Variants in CDK8 observed in about 807,000 individuals in gnomAD.
CDK8 encodes the protein cyclin-dependent kinase 8.
In CDK8, 29 loss-of-function variants were observed where a neutral mutation model predicts 71.5. The ratio of observed to expected loss-of-function variants is 0.41; its 90% CI spans 0.30 to 0.55. The LOEUF (loss-of-function observed/expected upper bound fraction) is 0.55, where lower values mean the gene tolerates loss of function less well. CDK8 is among the 20% of genes least tolerant of loss of function. CDK8 has a pLI of 0.37. For missense variants in CDK8, 288 were observed against 572.6 expected (o/e 0.50, Z 5.07); for synonymous variants, 161 against 192.1 (o/e 0.84, Z 1.34).
chr13:26,382,913 A>T, intron 5 of CDK8, 42 bp downstream of exon 5: 2 of 1,375,588 alleles, frequency 1.5e-6, no homozygotes, highest in Non-Finnish European at 2.0e-6. Context: ...GCACTTTTTT[A>T]AAACTTTTGC....
intron 1 of CDK8, among the ~76,000 whole-genome samples, chr13:26,336,221 A>C (rs568710770): frequency 1.2e-4 from 18 of 152,262 alleles, no homozygotes; most frequent in African/African-American, 4.3e-4. Context: ...ATCCTTTCAG[A>C]GGGTCTGTAA....
chr13:26,317,222 A>G (rs1874550158), intron 1 of CDK8, among the ~76,000 whole-genome samples: 1 of 152,172 alleles, frequency 6.6e-6, no homozygotes, highest in East Asian at 1.9e-4. Flanking sequence ...ATCAAGAGAC[A>G]AAGAAGGAGA....
At chr13:26,288,236 A>G (rs1227636776) in intron 1 of CDK8, among the ~76,000 whole-genome samples, 1 of 152,218 alleles carries the variant, frequency 6.6e-6, no homozygotes, top group Non-Finnish European at 1.5e-5. Context: ...TGCTGGGGTT[A>G]CAGGCGTGAG....
At chr13:26,354,009 C>T (rs560844674) in intron 4 of CDK8, 129 bp downstream of exon 4, 1 of 746,376 alleles carries the variant, frequency 1.3e-6, no homozygotes, top group Non-Finnish European at 2.3e-6. Context: ...ATGCTACCTT[C>T]TCAAAACATG....
At chr13:26,286,294 G>A (rs1873016736) in intron 1 of CDK8, among the ~76,000 whole-genome samples, 1 of 152,294 alleles carries the variant, frequency 6.6e-6, no homozygotes, top group East Asian at 1.9e-4. Context: ...AAAACAGTAT[G>A]GTACTGGTAT....
At chr13:26,261,164 A>G (rs569190502) in intron 1 of CDK8, among the ~76,000 whole-genome samples, 14 of 152,206 alleles carry the variant, frequency 9.2e-5, no homozygotes, top group Non-Finnish European at 2.1e-4. Flanking sequence ...TGTTGGTATC[A>G]TGATTCTGAA....
At chr13:26,392,472 C>T (rs1875797044) in intron 6 of CDK8, among the ~76,000 whole-genome samples, 2 of 151,766 alleles carry the variant, frequency 1.3e-5, no homozygotes, top group African/African-American at 2.4e-5. Context: ...GGACTATAGC[C>T]GCGTGCCGCC....
intron 4 of CDK8, among the ~76,000 whole-genome samples, chr13:26,372,063 C>CA (rs1217850002): frequency 1.3e-5 from 2 of 152,070 alleles, no homozygotes; most frequent in Non-Finnish European, 2.9e-5. Flanking sequence ...AATAACCACT[C>CA]AAAAATGTGT....
chr13:26,318,711 A>G (rs1212324105), intron 1 of CDK8, among the ~76,000 whole-genome samples: 4 of 152,226 alleles, frequency 2.6e-5, no homozygotes, highest in Admixed American at 6.5e-5. Flanking sequence ...AGAAAAATAC[A>G]TGTTCATCTC....
At chr13:26,321,367 TGCTAGGA>T (rs1312993345) in intron 1 of CDK8, among the ~76,000 whole-genome samples, 30 of 152,146 alleles carry the variant, frequency 2.0e-4, no homozygotes, top group African/African-American at 7.0e-4. Context: ...GAATGATAGT[TGCTAGGA>T]GCTAGGGGCA....
chr13:26,257,708 T>C (rs774319592), intron 1 of CDK8, among the ~76,000 whole-genome samples: 64 of 152,302 alleles, frequency 4.2e-4, no homozygotes, highest in Non-Finnish European at 3.8e-4. Flanking sequence ...AGAAAACAAT[T>C]TGTGTTTTTA....
At chr13:26,392,746 CTT>C (rs1462465310) in intron 6 of CDK8, among the ~76,000 whole-genome samples, 1 of 152,060 alleles carries the variant, frequency 6.6e-6, no homozygotes, top group African/African-American at 2.4e-5. Flanking sequence ...GGAAAAAAAA[CTT>C]TGTTAAAGTA....
At chr13:26,273,758 A>C (rs140031209) in intron 1 of CDK8, among the ~76,000 whole-genome samples, 427 of 151,888 alleles carry the variant, frequency 2.8e-3, no homozygotes, top group Middle Eastern at 6.9e-3. Flanking sequence ...TCTTCTCCTT[A>C]TTGTCAGCTG....
chr13:26,272,328 G>T (rs1872369153), intron 1 of CDK8, among the ~76,000 whole-genome samples: 1 of 151,966 alleles, frequency 6.6e-6, no homozygotes, highest in African/African-American at 2.4e-5. Flanking sequence ...AGAAAAAAAA[G>T]TTTTTATTTT....
chr13:26,403,857 C>T (rs1404689034), intron 12 of CDK8, 99 bp from the exon 13 acceptor site: 4 of 1,433,874 alleles, frequency 2.8e-6, no homozygotes, highest in East Asian at 2.3e-5. Context: ...ACCTATACAT[C>T]CTTTCTTCCT....
At position 26,286,046 on chromosome 13, in the gene CDK8, G is replaced by A. The variant is rs115474645; in HGVS notation, c.128+31277G>A. Among the ~76,000 whole-genome samples, 617 of 152,286 alleles carry A rather than the reference G, an allele frequency of 4.1e-3. 3 individuals carry two copies. The highest frequency in any genetic ancestry group is 0.014 in the African/African-American group (570 of 41,556). ...AAATGGAAACACATGCCAAGCTCTT[G>A]GATGGGTAGAATCAATATTGTGAAA... On this transcript the variant is annotated intron_variant, in intron 1 of 12. Coordinates refer to ENST00000381527, the MANE Select transcript of CDK8 (RefSeq NM_001260.3).
chr13:26,344,360 A>G (rs1431596404), intron 2 of CDK8, among the ~76,000 whole-genome samples: 1 of 152,148 alleles, frequency 6.6e-6, no homozygotes, highest in Non-Finnish European at 1.5e-5. Flanking sequence ...ATACAAATGC[A>G]TGTTTCTTTT....
chr13:26,398,841 G>A (rs190625685), intron 9 of CDK8, among the ~76,000 whole-genome samples: 1 of 151,808 alleles, frequency 6.6e-6, no homozygotes, highest in Non-Finnish European at 1.5e-5. Flanking sequence ...GTACATGCCT[G>A]TAGTCCCAGC....
rs187717108 is a variant in CDK8, at chr13:26,290,535, G to A, written c.128+35766G>A. 3.9e-3 allele frequency among the ~76,000 whole-genome samples: 597 copies of A among 152,190 alleles called. 7 individuals carry two copies. The highest frequency in any genetic ancestry group is 0.033 in the South Asian group (158 of 4,810). On this transcript the variant is annotated intron_variant, in intron 1 of 12. Transcript: ENST00000381527. ...GATATATATTAAAAGAGCAATTGGA[G>A]TGTGGTTGCTGAATACTTCACACAC...
Sources: gnomAD v4.1 joint callset for allele counts (sites outside exome capture counted in the v4.1 genomes callset) on GRCh38, gnomAD v4.1.1 for gene constraint, MANE v1.5 for transcripts, NCBI Gene and HGNC (gene_info 2026-07-23, HGNC 2026-07-21) for gene names.